Variants in SLCO1B1 observed in about 807,000 individuals in gnomAD.
SLCO1B1 encodes the protein solute carrier organic anion transporter family member 1B1.
In SLCO1B1, 81 loss-of-function variants were observed where a neutral mutation model predicts 70.1. That is an observed-to-expected ratio of 1.16 (90% CI 0.97 to 1.39). The LOEUF (loss-of-function observed/expected upper bound fraction) is 1.39, where lower values mean the gene tolerates loss of function less well. Ranked by LOEUF, SLCO1B1 falls within the 40% of genes most tolerant of loss-of-function variation. The pLI, the probability that SLCO1B1 is intolerant of heterozygous loss-of-function variation, is 0.00. For missense variants in SLCO1B1, 895 were observed against 799.6 expected (o/e 1.12, Z -1.44); for synonymous variants, 283 against 271.5 (o/e 1.04, Z -0.42).
chr12:21,178,686 G>A lies in SLCO1B1; in HGVS notation c.592G>A (p.Asp198Asn). 1 of 1,607,176 alleles carries A rather than the reference G, an allele frequency of 6.2e-7. No individual in the cohort carries two copies. The change falls in exon 6 of 15, where the codon GAT becomes AAT. Residue 198 changes from aspartate to asparagine, a missense_variant. By Grantham distance (23) the Asp-to-Asn change is conservative. Coordinates refer to ENST00000256958, the MANE Select transcript of SLCO1B1 (RefSeq NM_006446.5). Reference protein sequence around the residue: ...IVPLGLSYIDDFAKEGHSSLY... With the variant: ...IVPLGLSYIDNFAKEGHSSLY... ...ACCATTGGGGCTTTCTTACATTGAT[G>A]ATTTCGCTAAAGAAGGACATTCTTC...
At chr12:21,224,963 A>T (rs927313291) in intron 14 of SLCO1B1, 124 bp downstream of exon 14, 2 of 584,542 alleles carry the variant, frequency 3.4e-6, no homozygotes, top group Non-Finnish European at 6.0e-6. Flanking sequence ...CTGACTTTGC[A>T]TGCAGTATGG....
intron 11 of SLCO1B1, among the ~76,000 whole-genome samples, chr12:21,210,778 CG>C (rs1941273262): frequency 1.3e-5 from 2 of 149,192 alleles, no homozygotes; most frequent in African/African-American, 2.5e-5. Context: ...TCCTTCACAT[CG>C]CTTGTAAGTT....
rs762874802 is a variant in SLCO1B1 at position 21,172,719 on chromosome 12, A to T, written c.154A>T (p.Ile52Phe). The T allele has an allele frequency of 9.3e-6, 15 of 1,613,766 alleles. No individual in the cohort carries two copies. The South Asian group carries it at 1.5e-4, about 17-fold the overall frequency. Residue 52 changes from isoleucine to phenylalanine, a missense_variant, in exon 3 of 15, where the codon ATC becomes TTC. Coordinates refer to ENST00000256958, the MANE Select transcript of SLCO1B1 (RefSeq NM_006446.5). Reference sequence around the variant, plus strand: ...AGGTGCAATTATTATGAAAAGTTCCATCATTCATATAGAACGGAGATTTGA... The same window carrying T: ...AGGTGCAATTATTATGAAAAGTTCCTTCATTCATATAGAACGGAGATTTGA... Reference protein sequence around the residue: ...TLGAIIMKSSIIHIERRFEIS... With the variant: ...TLGAIIMKSSFIHIERRFEIS...
chr12:21,131,358 T>C (rs1399522911), intron 1 of SLCO1B1, 122 bp downstream of exon 1: 1 of 152,096 alleles, frequency 6.6e-6, no homozygotes, highest in Non-Finnish European at 1.5e-5. Flanking sequence ...TCCACACGCT[T>C]ACATTCTGAG....
chr12:21,152,589 AT>A (rs112130559), intron 2 of SLCO1B1, among the ~76,000 whole-genome samples: 12 of 98,262 alleles, frequency 1.2e-4, no homozygotes, highest in Non-Finnish European at 2.4e-4. Flanking sequence ...TTTTTTTAGT[AT>A]TTTTTTTCCT....
intron 1 of SLCO1B1, among the ~76,000 whole-genome samples, chr12:21,139,979 C>G (rs1940284626): frequency 6.6e-6 from 1 of 152,042 alleles, no homozygotes; most frequent in African/African-American, 2.4e-5. Context: ...CAGGCCTGAA[C>G]TACAGTGTTG....
chr12:21,212,814 T>G (rs1415557724), intron 11 of SLCO1B1, among the ~76,000 whole-genome samples: 2 of 151,256 alleles, frequency 1.3e-5, no homozygotes, highest in Admixed American at 6.6e-5. Flanking sequence ...TTTACCATTA[T>G]GTAATGGCCT....
At chr12:21,155,732 C>T (rs2121067973) in intron 2 of SLCO1B1, among the ~76,000 whole-genome samples, 1 of 152,276 alleles carries the variant, frequency 6.6e-6, no homozygotes, top group Non-Finnish European at 1.5e-5. Flanking sequence ...AATCACGTCA[C>T]TCTGCCCTTT....
chr12:21,211,497 A>G (rs915814537), intron 11 of SLCO1B1, among the ~76,000 whole-genome samples: 6 of 152,262 alleles, frequency 3.9e-5, no homozygotes, highest in African/African-American at 1.4e-4. Flanking sequence ...ATCAATGTTC[A>G]TCAAGGATAT....
chr12:21,216,099 A>G (rs1044587298), intron 11 of SLCO1B1, among the ~76,000 whole-genome samples: 2 of 152,170 alleles, frequency 1.3e-5, no homozygotes, highest in Non-Finnish European at 2.9e-5. Context: ...GGCAATGACT[A>G]TGCCATTTGG....
chr12:21,176,822 A>T lies in SLCO1B1; in HGVS notation c.406A>T (p.Thr136Ser), dbSNP rs1262731457. The T allele has an allele frequency of 6.5e-7, 1 of 1,542,620 alleles. No individual in the cohort carries two copies. Among genetic ancestry groups the T allele is most frequent in the South Asian group, 1.1e-5 (1 of 90,016 alleles). ...TAATATCAATTCATCAGAAAATTCA[A>T]CATCGACCTTATCCACTTGTTTAAT... ...ETNINSSENSTSTLSTCLINQ... is the reference protein window; with the variant it reads ...ETNINSSENSSSTLSTCLINQ... The change falls in exon 5 of 15, where the codon ACA (threonine) becomes TCA (serine). Residue 136 changes from threonine to serine, a missense_variant. Transcript: ENST00000256958.
chr12:21,186,537 C>T (rs928855485), intron 7 of SLCO1B1, among the ~76,000 whole-genome samples: 3 of 151,958 alleles, frequency 2.0e-5, no homozygotes, highest in Non-Finnish European at 4.4e-5. Context: ...TGAAACTGCT[C>T]CTAAGAAACT....
In SLCO1B1 at chr12:21,172,653, T is replaced by A; in HGVS notation, c.88T>A (p.Phe30Ile). 1 of 1,613,810 alleles carries A rather than the reference T, an allele frequency of 6.2e-7. No homozygotes were observed. Among genetic ancestry groups the A allele is most frequent in the South Asian group, 1.1e-5 (1 of 91,076 alleles). Residue 30 changes from phenylalanine (F) to isoleucine (I), a missense_variant, in exon 3 of 15, where the codon TTC (phenylalanine) becomes ATC (isoleucine). Transcript: ENST00000256958. Reference sequence around the variant, plus strand: ...CTTTCCTTCTGATTTTTCTTAGATGTTCTTGGCAGCTCTGTCACTCAGCTT... The same window carrying A: ...CTTTCCTTCTGATTTTTCTTAGATGATCTTGGCAGCTCTGTCACTCAGCTT... The part of the protein sequence containing the change: ...KTRYCNGLKM[F>I]LAALSLSFIA...
At chr12:21,157,158 C>T (rs1018469734) in intron 2 of SLCO1B1, among the ~76,000 whole-genome samples, 5 of 151,916 alleles carry the variant, frequency 3.3e-5, no homozygotes, top group African/African-American at 1.2e-4. Context: ...GGTTAGCAAG[C>T]AAAAACAAAC....
At chr12:21,135,707 T>C (rs1361082779) in intron 1 of SLCO1B1, among the ~76,000 whole-genome samples, 1 of 152,182 alleles carries the variant, frequency 6.6e-6, no homozygotes, top group East Asian at 1.9e-4. Context: ...CTCCATCCCT[T>C]TATTTTGAGC....
At chr12:21,232,571 C>A (rs531907902) in intron 14 of SLCO1B1, among the ~76,000 whole-genome samples, 1 of 152,244 alleles carries the variant, frequency 6.6e-6, no homozygotes, top group African/African-American at 2.4e-5. Context: ...TCCTATGACA[C>A]CCCTCTCCAT....
intron 11 of SLCO1B1, among the ~76,000 whole-genome samples, 184 bp from the exon 12 acceptor site, chr12:21,216,935 T>C (rs545274294): frequency 6.6e-6 from 1 of 152,184 alleles, no homozygotes; most frequent in Non-Finnish European, 1.5e-5. Flanking sequence ...TTGTCTTATA[T>C]AGAAAGAAAT....
At chr12:21,155,122 G>A (rs984570192) in intron 2 of SLCO1B1, among the ~76,000 whole-genome samples, 1 of 149,830 alleles carries the variant, frequency 6.7e-6, no homozygotes, top group Non-Finnish European at 1.5e-5. Context: ...TTTAATCTTA[G>A]TAAATTATTT....
Position 21,202,703 on chromosome 12 carries a change from A to G in SLCO1B1, c.1331+17A>G, listed in dbSNP as rs376419023. 1.2e-4 allele frequency: 189 copies of G among 1,570,130 alleles called. No homozygotes were observed. Among genetic ancestry groups the G allele is most frequent in the Middle Eastern group, 1.1e-3 (6 of 5,526 alleles). On this transcript the variant is annotated intron_variant, in intron 10 of 14. Transcript: ENST00000256958. Reference sequence around the variant, plus strand: ...CTATGATGGGTTTGTATATATCACTATATCAATTGCATAATATGTTAACCA... The same window carrying G: ...CTATGATGGGTTTGTATATATCACTGTATCAATTGCATAATATGTTAACCA...
Sources: allele counts gnomAD v4.1 joint callset (sites outside exome capture counted in the v4.1 genomes callset), GRCh38; gene constraint gnomAD v4.1.1; transcripts MANE v1.5; gene names NCBI Gene and HGNC (gene_info 2026-07-23, HGNC 2026-07-21).